The following OR1J2 variants were observed in gnomAD, a reference collection of about 807,000 sequenced individuals.
OR1J2 encodes olfactory receptor 1J2.
For synonymous variants in OR1J2, 142 were observed against 99.7 expected (o/e 1.42, Z -2.52); for missense variants, 304 against 246.1 (o/e 1.24, Z -1.57).
the OR1J2 span, among the ~76,000 whole-genome samples, chr9:122,496,405 C>T: frequency 2.6e-5 from 4 of 152,098 alleles, no homozygotes; most frequent in Admixed American, 2.0e-4. Context: ...CTTGCCGCGG[C>T]TTCTGTGGGA....
At chr9:122,489,342 A>T in the OR1J2 span, among the ~76,000 whole-genome samples, 1 of 152,076 alleles carries the variant, frequency 6.6e-6, no homozygotes, top group South Asian at 2.1e-4. Context: ...ACTGGAAAGC[A>T]ACAGCCTGGG....
the OR1J2 span, among the ~76,000 whole-genome samples, chr9:122,467,876 T>C: frequency 6.6e-6 from 1 of 152,186 alleles, no homozygotes; most frequent in African/African-American, 2.4e-5. Context: ...CAATACCCAT[T>C]GATAGCAGAT....
the OR1J2 span, among the ~76,000 whole-genome samples, chr9:122,521,727 A>T: frequency 2.6e-5 from 4 of 152,144 alleles, no homozygotes; most frequent in Non-Finnish European, 5.9e-5. Flanking sequence ...GTACACTCTC[A>T]TCTCTGCTAT....
At chr9:122,568,316 G>A in the OR1J2 span, 1 of 1,614,136 alleles carries the variant, frequency 6.2e-7, no homozygotes, top group Admixed American at 1.7e-5. Context: ...TCTGAAGATG[G>A]GGGTTGAAGC....
the OR1J2 span, among the ~76,000 whole-genome samples, chr9:122,471,185 C>G: frequency 6.6e-6 from 1 of 152,300 alleles, no homozygotes; most frequent in African/African-American, 2.4e-5. Flanking sequence ...TGAATTGTAT[C>G]TCCAATAATT....
At chr9:122,517,868 A>G in the OR1J2 span, among the ~76,000 whole-genome samples, 2 of 151,542 alleles carry the variant, frequency 1.3e-5, no homozygotes, top group African/African-American at 4.9e-5. Flanking sequence ...TGATGCTCTC[A>G]CCCCCTCAAG....
chr9:122,481,491 A>C, the OR1J2 span, among the ~76,000 whole-genome samples: 1 of 152,210 alleles, frequency 6.6e-6, no homozygotes, highest in African/African-American at 2.4e-5. Context: ...TCAATAAAGA[A>C]AAGACAAAAG....
chr9:122,526,778 A>C, the OR1J2 span: 1 of 1,614,122 alleles, frequency 6.2e-7, no homozygotes, highest in East Asian at 2.2e-5. Context: ...AAAAGTGAGC[A>C]ATTTCCCCAG....
At chr9:122,494,683 A>G in the OR1J2 span, among the ~76,000 whole-genome samples, 18 of 152,090 alleles carry the variant, frequency 1.2e-4, no homozygotes, top group African/African-American at 1.7e-4. Flanking sequence ...TTTACATTCA[A>G]TGTTAATATT....
chr9:122,455,447 CA>C, the OR1J2 span, among the ~76,000 whole-genome samples: 3 of 152,176 alleles, frequency 2.0e-5, no homozygotes, highest in African/African-American at 7.2e-5. Context: ...TCCATAATGA[CA>C]AATGACACTG....
chr9:122,557,309 G>A, the OR1J2 span, among the ~76,000 whole-genome samples: 6 of 151,986 alleles, frequency 3.9e-5, no homozygotes, highest in Non-Finnish European at 8.8e-5. Flanking sequence ...CCTGATCTTA[G>A]TGCAGAGCTT....
At chr9:122,537,544 T>C in the OR1J2 span, among the ~76,000 whole-genome samples, 2 of 142,480 alleles carry the variant, frequency 1.4e-5, no homozygotes, top group East Asian at 4.4e-4. Flanking sequence ...TTTGGTTCTA[T>C]ATGAATTTTA....
the OR1J2 span, chr9:122,553,917 G>A: frequency 6.2e-7 from 1 of 1,613,664 alleles, no homozygotes; most frequent in African/African-American, 1.3e-5. Flanking sequence ...ATCTCCTGGA[G>A]GGAGATGGAA....
the OR1J2 span, chr9:122,519,356 C>T: frequency 6.2e-7 from 1 of 1,614,138 alleles, no homozygotes; most frequent in Non-Finnish European, 8.5e-7. Flanking sequence ...CTGACATCTC[C>T]CTTTCATCTG....
chr9:122,522,207 G>A, the OR1J2 span, among the ~76,000 whole-genome samples: 1 of 152,182 alleles, frequency 6.6e-6, no homozygotes, highest in Non-Finnish European at 1.5e-5. Flanking sequence ...TGAAATCCAT[G>A]AATGTGTGAT....
At chr9:122,527,084 AC>A in the OR1J2 span, 1 of 1,614,192 alleles carries the variant, frequency 6.2e-7, no homozygotes, top group Non-Finnish European at 8.5e-7. Flanking sequence ...AGGACGTTAA[AC>A]CCATGTCAAC....
the OR1J2 span, among the ~76,000 whole-genome samples, chr9:122,478,929 C>T: frequency 6.6e-6 from 1 of 151,938 alleles, no homozygotes; most frequent in South Asian, 2.1e-4. Flanking sequence ...GGAGTTTCAC[C>T]ATGTTGGTCA....
chr9:122,509,830 A>T (rs1473971481), upstream of OR1J2, among the ~76,000 whole-genome samples: 2 of 152,206 alleles, frequency 1.3e-5, no homozygotes, highest in African/African-American at 4.8e-5. Flanking sequence ...GGTAGTTTAA[A>T]AAAAGATCTC....
chr9:122,553,118 T>C, the OR1J2 span: 1 of 1,324,126 alleles, frequency 7.6e-7, no homozygotes, highest in Non-Finnish European at 1.1e-6. Context: ...AGCACAGTTC[T>C]GGCCACACAG....
Sources: allele counts gnomAD v4.1 joint callset (sites outside exome capture counted in the v4.1 genomes callset), GRCh38; gene constraint gnomAD v4.1.1; transcripts MANE v1.5; gene names NCBI Gene and HGNC (gene_info 2026-07-23, HGNC 2026-07-21).